SOD2: variants seen among roughly 807,000 people sequenced by gnomAD.
SOD2 encodes superoxide dismutase [Mn], mitochondrial.
A neutral mutation model predicts 27.0 loss-of-function variants in SOD2; 11 were observed. The ratio of observed to expected loss-of-function variants is 0.41; its 90% CI spans 0.26 to 0.67. The LOEUF is 0.67. SOD2 is among the 30% of genes least tolerant of loss of function. The pLI is 0.34. For synonymous variants in SOD2, 105 were observed against 103.0 expected (o/e 1.02, Z -0.12); for missense variants, 250 against 274.5 (o/e 0.91, Z 0.63).
chr6:159,698,090 T>C (rs1432751840), upstream of SOD2, among the ~76,000 whole-genome samples: 1 of 152,142 alleles, frequency 6.6e-6, no homozygotes, highest in Non-Finnish European at 1.5e-5. Flanking sequence ...CTGGCCAATA[T>C]GGTGAAACTC....
intron 1 of SOD2, among the ~76,000 whole-genome samples, chr6:159,743,295 C>G (rs1378259528): frequency 6.6e-6 from 1 of 152,254 alleles, no homozygotes; most frequent in Admixed American, 6.5e-5. Context: ...GATCTACCTG[C>G]CTCAGCCTCC....
chr6:159,762,035 A>G lies in SOD2; in HGVS notation c.-1334T>C, dbSNP rs1310778753. 2.5e-6 allele frequency: 4 copies of G among 1,600,476 alleles called. No homozygotes were observed. The African/African-American group carries it at 5.4e-5, about 22-fold the overall frequency. On this transcript the variant is annotated 5_prime_UTR_variant, in exon 1 of 8. Coordinates refer to the SOD2 transcript ENST00000546087. ...GGCAGGCCTGTGGGCTGCGAGGAGG[A>G]GCTTTGCCTAGCTTGCAGGCAGCGC... is the stretch of plus-strand genomic sequence containing the variant.
intron 1 of SOD2, among the ~76,000 whole-genome samples, chr6:159,699,367 C>T (rs1777486325): frequency 1.3e-5 from 2 of 152,114 alleles, no homozygotes; most frequent in African/African-American, 4.8e-5. Flanking sequence ...CACAATGGCC[C>T]AGCTCATTCT....
rs1227911282 is a variant in SOD2, at chr6:159,688,151, G to T, written c.318C>A (p.Ser106Arg). Reference protein sequence around the residue: ...INHSIFWTNLSPNGGGEPKGE... With the variant: ...INHSIFWTNLRPNGGGEPKGE... Reference sequence around the variant, plus strand: ...CTTTGGGTTCTCCACCACCGTTAGGGCTGAGGTTTGTCCAGAAAATGCTAT... The same window carrying T: ...CTTTGGGTTCTCCACCACCGTTAGGTCTGAGGTTTGTCCAGAAAATGCTAT... The change falls in exon 3 of 5, where the codon AGC becomes AGA. Residue 106 changes from serine (S) to arginine (R), a missense_variant. Coordinates refer to ENST00000538183, the MANE Select transcript of SOD2 (RefSeq NM_000636.4). The T allele has an allele frequency of 1.9e-6, 3 of 1,611,438 alleles. No homozygotes were observed.
chr6:159,680,522 A>G lies in SOD2; in HGVS notation c.*1971T>C, dbSNP rs1377449239. ...AATTTTTTTTAAACTTCAGTCTTCA[A>G]TATTGAAACTGCTAAGTTACCCCAT... On this transcript the variant is annotated 3_prime_UTR_variant, in exon 5 of 5. Coordinates refer to ENST00000538183, the MANE Select transcript of SOD2 (RefSeq NM_000636.4). 2 of 152,178 alleles carry G rather than the reference A, an allele frequency of 1.3e-5. No individual in the cohort carries two copies. Among genetic ancestry groups the G allele is most frequent in the African/African-American group, 2.4e-5 (1 of 41,426 alleles). The allele number at this position is 152,178 out of a possible 1,614,324, so 9.4% of individuals were successfully genotyped here.
chr6:159,688,322 T>C (rs1455824017), intron 2 of SOD2, 80 bp from the exon 3 acceptor site: 40 of 868,452 alleles, frequency 4.6e-5, no homozygotes, highest in Non-Finnish European at 2.5e-5. Context: ...TTTTTCTTTG[T>C]AAGCTATTAG....
chr6:159,722,735 C>T (rs957175126), intron 1 of SOD2, among the ~76,000 whole-genome samples: 11 of 152,194 alleles, frequency 7.2e-5, no homozygotes, highest in African/African-American at 2.7e-4. Context: ...TTACCTACAA[C>T]AACTAGCCCA....
intron 1 of SOD2, among the ~76,000 whole-genome samples, chr6:159,698,298 A>AAAC (rs1777462942): frequency 1.2e-5 from 1 of 86,286 alleles, no homozygotes; most frequent in Admixed American, 1.1e-4. Context: ...AACAAACAAA[A>AAAC]AACAAAACAA....
chr6:159,742,386 A>G (rs905104350), intron 1 of SOD2, among the ~76,000 whole-genome samples: 2 of 152,318 alleles, frequency 1.3e-5, no homozygotes, highest in African/African-American at 4.8e-5. Flanking sequence ...AATTATATGC[A>G]AGGTTCTGAA....
chr6:159,737,702 G>A (rs1304320431), intron 1 of SOD2, among the ~76,000 whole-genome samples: 1 of 151,944 alleles, frequency 6.6e-6, no homozygotes, highest in African/African-American at 2.4e-5. Context: ...ATGTTACCCA[G>A]GCTGATCTTG....
chr6:159,732,886 A>ATATAGTGT (rs146623701), intron 1 of SOD2, among the ~76,000 whole-genome samples: 1 of 146,380 alleles, frequency 6.8e-6, no homozygotes, highest in Non-Finnish European at 1.5e-5. Context: ...ATATATATAT[A>ATATAGTGT]GTGTGTGTGT....
intron 1 of SOD2, chr6:159,720,336 C>T (rs1263410708): frequency 6.6e-6 from 1 of 152,206 alleles, no homozygotes; most frequent in East Asian, 1.9e-4. Context: ...AGGCGTAAGC[C>T]ACCGTGCCCA....
chr6:159,722,205 C>G (rs948144600), intron 1 of SOD2, among the ~76,000 whole-genome samples: 2 of 151,822 alleles, frequency 1.3e-5, no homozygotes, highest in African/African-American at 4.8e-5. Flanking sequence ...TAGCAAGACC[C>G]CATCTCTAAA....
upstream of SOD2, among the ~76,000 whole-genome samples, chr6:159,693,679 C>T (rs1777355468): frequency 2.0e-5 from 3 of 152,198 alleles, no homozygotes; most frequent in Non-Finnish European, 4.4e-5. Flanking sequence ...GTCCAGAGGC[C>T]TCACTGCAAA....
chr6:159,675,679 C>T lies in SOD2; in HGVS notation c.*6814G>A, dbSNP rs1232170043. The T allele has an allele frequency of 1.3e-5, 2 of 152,246 alleles. No individual in the cohort carries two copies. Among genetic ancestry groups the T allele is most frequent in the East Asian group, 1.9e-4 (1 of 5,178 alleles). The allele number at this position is 152,246 out of a possible 1,614,324, so 9.4% of individuals were successfully genotyped here. A position where few individuals can be genotyped will look rare whatever the true frequency, so the allele number is the denominator to read the frequency against. On this transcript the variant is annotated 3_prime_UTR_variant, in exon 5 of 5. Coordinates refer to ENST00000538183, the MANE Select transcript of SOD2 (RefSeq NM_000636.4). The stretch of plus-strand genomic sequence containing the variant: ...AACCTATGCAGTACCATTCAGGACA[C>T]AGGCATGGGCAAGGACTTCATGTCT...
At chr6:159,684,341 G>T (rs1368382141) in intron 4 of SOD2, among the ~76,000 whole-genome samples, 1 of 152,026 alleles carries the variant, frequency 6.6e-6, no homozygotes, top group Non-Finnish European at 1.5e-5. Context: ...CATTTGGCTG[G>T]GCATGGTGGC....
intron 1 of SOD2, chr6:159,742,269 C>T: frequency 1.3e-6 from 1 of 749,180 alleles, no homozygotes; most frequent in South Asian, 1.9e-5. Context: ...AAGAACTGTA[C>T]ATAGGCACTG....
intron 4 of SOD2, among the ~76,000 whole-genome samples, chr6:159,682,952 C>G (rs1050547696): frequency 1.3e-5 from 2 of 152,116 alleles, no homozygotes; most frequent in African/African-American, 4.8e-5. Flanking sequence ...CCCAGCCTTC[C>G]TCATGGTGGT....
chr6:159,736,920 A>C (rs879519093), intron 1 of SOD2, among the ~76,000 whole-genome samples: 11 of 152,216 alleles, frequency 7.2e-5, no homozygotes, highest in African/African-American at 2.2e-4. Flanking sequence ...TACTAAACTT[A>C]ATATTTAAGT....
Sources: gnomAD v4.1 joint callset for allele counts (sites outside exome capture counted in the v4.1 genomes callset) on GRCh38, gnomAD v4.1.1 for gene constraint, MANE v1.5 for transcripts, NCBI Gene and HGNC (gene_info 2026-07-23, HGNC 2026-07-21) for gene names.